Variants in UGT1A8 observed in about 807,000 individuals in gnomAD.
UGT1A8 encodes the protein UDP-glucuronosyltransferase 1A8.
Under a neutral mutation model 45.3 loss-of-function variants are expected in UGT1A8, and 39 were observed. The observed-to-expected ratio is 0.86, with a 90% CI of 0.67 to 1.12. The LOEUF is 1.12. UGT1A8 is among the 50% of genes most tolerant of loss of function. The pLI is 0.00. For synonymous variants in UGT1A8, 275 were observed against 249.2 expected, an observed-to-expected ratio of 1.10 and a Z score of -0.97; for missense variants, 719 against 664.9, an observed-to-expected ratio of 1.08 and a Z score of -0.90.
chr2:233,705,842 A>AAGTG lies in UGT1A8; in HGVS notation c.856-61191_856-61188dup, dbSNP rs2075874944. ...AGGCCGAGCACAGTGGCTGGAGCTG[A>AAGTG]AGTGGGAAGCTGAGGCAGGCAGATC... is the stretch of plus-strand genomic sequence containing the variant. On this transcript the variant is annotated intron_variant, in intron 1 of 4. Coordinates refer to ENST00000373450, the MANE Select transcript of UGT1A8 (RefSeq NM_019076.5). Among the ~76,000 whole-genome samples the AAGTG allele has an allele frequency of 2.6e-5, 4 of 152,238 alleles. No individual in the cohort carries two copies. In the South Asian group the frequency reaches 8.3e-4, roughly 32 times the overall value.
At chr2:233,768,093 C>T in intron 3 of UGT1A8, 127 bp from the exon 4 acceptor site, 1 of 1,591,452 alleles carries the variant, frequency 6.3e-7, no homozygotes, top group Non-Finnish European at 8.6e-7. Context: ...CCCACATTTT[C>T]TTCTGCAAAT....
At chr2:233,732,952 T>C (rs1235178587) in intron 1 of UGT1A8, among the ~76,000 whole-genome samples, 1 of 152,176 alleles carries the variant, frequency 6.6e-6, no homozygotes, top group East Asian at 1.9e-4. Flanking sequence ...GCATGGAATG[T>C]TCTTCCATTT....
At chr2:233,655,084 C>T (rs753508809) in intron 1 of UGT1A8, among the ~76,000 whole-genome samples, 3 of 151,340 alleles carry the variant, frequency 2.0e-5, no homozygotes, top group Non-Finnish European at 4.4e-5. Context: ...GCAAGATTCT[C>T]TCTCAAAAAA....
intron 1 of UGT1A8, among the ~76,000 whole-genome samples, chr2:233,674,519 A>G (rs541391406): frequency 1.1e-4 from 16 of 152,202 alleles, no homozygotes; most frequent in Non-Finnish European, 1.9e-4. Context: ...TGTGCCTCAC[A>G]GCGTCACCCA....
At chr2:233,708,951 A>G (rs186386520) in intron 1 of UGT1A8, among the ~76,000 whole-genome samples, 11 of 152,180 alleles carry the variant, frequency 7.2e-5, no homozygotes, top group Admixed American at 7.2e-4. Flanking sequence ...GAACCCATTT[A>G]TATGTTTCCA....
intron 1 of UGT1A8, among the ~76,000 whole-genome samples, chr2:233,706,625 G>A (rs1232121262): frequency 6.6e-6 from 1 of 152,130 alleles, no homozygotes; most frequent in Non-Finnish European, 1.5e-5. Flanking sequence ...AGAGAAATGA[G>A]TGTTTCTACT....
intron 1 of UGT1A8, chr2:233,693,564 A>T: frequency 6.2e-7 from 1 of 1,614,200 alleles, no homozygotes; most frequent in Non-Finnish European, 8.5e-7. Flanking sequence ...AGAAGCCCAG[A>T]CCCTGTGTCC....
At chr2:233,650,476 G>A (rs2073711977) in intron 1 of UGT1A8, among the ~76,000 whole-genome samples, 1 of 152,182 alleles carries the variant, frequency 6.6e-6, no homozygotes, top group Non-Finnish European at 1.5e-5. Context: ...TTCAGTTAGA[G>A]CATGAGCAAG....
chr2:233,743,462 C>A (rs372766492), intron 1 of UGT1A8: 25 of 1,366,220 alleles, frequency 1.8e-5, no homozygotes, highest in Middle Eastern at 2.1e-4. Flanking sequence ...GAAAAAACAC[C>A]CCCAAAAGCT....
At chr2:233,708,509 T>A (rs2076021555) in intron 1 of UGT1A8, 1 of 152,230 alleles carries the variant, frequency 6.6e-6, no homozygotes, top group South Asian at 2.1e-4. Context: ...CCCAGCACTT[T>A]GCGGGGCCGA....
chr2:233,724,319 G>A (rs1167591289), intron 1 of UGT1A8, among the ~76,000 whole-genome samples: 25 of 143,274 alleles, frequency 1.7e-4, no homozygotes, highest in African/African-American at 3.9e-4. Context: ...CGGACGGGGC[G>A]GCTGGCCAGG....
chr2:233,736,282 T>A lies in UGT1A8; in HGVS notation c.856-30752T>A, dbSNP rs1290263740. ...ATTTGATCTTCAGTCACTGATACCC[T>A]TTCTTCCAGTTGCTCTAATCAGCTA... On this transcript the variant is annotated intron_variant, in intron 1 of 4. Coordinates refer to ENST00000373450, the MANE Select transcript of UGT1A8 (RefSeq NM_019076.5). Among the ~76,000 whole-genome samples the A allele has an allele frequency of 2.6e-5, 4 of 152,226 alleles. No individual in the cohort carries two copies. The East Asian group carries it at 7.7e-4, about 29-fold the overall frequency.
At chr2:233,695,071 T>G (rs1160759504) in intron 1 of UGT1A8, among the ~76,000 whole-genome samples, 1 of 152,202 alleles carries the variant, frequency 6.6e-6, no homozygotes, top group Non-Finnish European at 1.5e-5. Context: ...TATCGCACTT[T>G]GGACTTACTC....
chr2:233,672,369 G>T lies in UGT1A8; in HGVS notation c.855+53807G>T, dbSNP rs928548039. Reference sequence around the variant, plus strand: ...TAAAGGAGAGTTCTTTTGATGCAGTGTTTCTCGATCCTTTTGATAACTGTG... The same window carrying T: ...TAAAGGAGAGTTCTTTTGATGCAGTTTTTCTCGATCCTTTTGATAACTGTG... On this transcript the variant is annotated intron_variant, in intron 1 of 4. Coordinates refer to ENST00000373450, the MANE Select transcript of UGT1A8 (RefSeq NM_019076.5). 3.1e-6 allele frequency: 5 copies of T among 1,613,986 alleles called. No individual in the cohort carries two copies. In the African/African-American group the frequency reaches 6.7e-5, roughly 22 times the overall value.
intron 1 of UGT1A8, among the ~76,000 whole-genome samples, chr2:233,620,666 G>A (rs970177357): frequency 1.3e-5 from 2 of 152,112 alleles, no homozygotes; most frequent in African/African-American, 4.8e-5. Flanking sequence ...GTGTATTAAT[G>A]TATATATTTA....
chr2:233,695,125 C>CTTTT (rs2075261656), intron 1 of UGT1A8, among the ~76,000 whole-genome samples: 4 of 113,980 alleles, frequency 3.5e-5, no homozygotes, highest in Non-Finnish European at 5.3e-5. Context: ...CAACCCTTTT[C>CTTTT]TTTTCTTTTT....
rs1341350093 is a variant in UGT1A8, at chr2:233,769,045, A to G, written c.1295+606A>G. ...AGTTGCCATAATAGACATCTGATCC[A>G]TAAGTTTCCTGCACAGAAAGAAATA... On this transcript the variant is annotated intron_variant, in intron 4 of 4. Transcript: ENST00000373450. This position sits in a 1 kb window ranked among gnomAD's most constrained non-coding sequence, Gnocchi z 4.4. Among the ~76,000 whole-genome samples, 2 of 152,222 alleles carry G rather than the reference A, an allele frequency of 1.3e-5. No homozygotes were observed. Among genetic ancestry groups the G allele is most frequent in the African/African-American group, 2.4e-5 (1 of 41,450 alleles).
chr2:233,651,215 A>G (rs1207264863), intron 1 of UGT1A8, among the ~76,000 whole-genome samples: 1 of 152,116 alleles, frequency 6.6e-6, no homozygotes, highest in African/African-American at 2.4e-5. Context: ...CCCAGGTATT[A>G]CCTGCAGCCT....
intron 1 of UGT1A8, chr2:233,760,195 C>T (rs2125980169): frequency 6.4e-7 from 1 of 1,574,430 alleles, no homozygotes; most frequent in Admixed American, 1.7e-5. Context: ...TCACGTGACA[C>T]AGTCAAACAT....
Sources: gnomAD v4.1 joint callset for allele counts (sites outside exome capture counted in the v4.1 genomes callset) on GRCh38, gnomAD v4.1.1 for gene constraint, Gnocchi (gnomAD v3.1) non-coding constraint, MANE v1.5 for transcripts, NCBI Gene and HGNC (gene_info 2026-07-23, HGNC 2026-07-21) for gene names.